Variants in POGLUT3 observed in about 807,000 individuals in gnomAD.
POGLUT3 encodes protein O-glucosyltransferase 3, also known as KDEL (Lys-Asp-Glu-Leu) containing 2.
Under a neutral mutation model 54.3 loss-of-function variants are expected in POGLUT3, and 48 were observed. The ratio of observed to expected loss-of-function variants is 0.88; its 90% confidence interval spans 0.70 to 1.12. The LOEUF is 1.12. Among genes scored for constraint, POGLUT3 ranks in the 50% most tolerant of loss-of-function variants. The probability of loss-of-function intolerance (pLI) is 0.00; values close to 1 mark genes in which losing one functional copy is unlikely to be tolerated. For synonymous variants in POGLUT3, 218 were observed against 237.4 expected, an observed-to-expected ratio of 0.92 and a Z score of 0.75; for missense variants, 629 against 618.7, an observed-to-expected ratio of 1.02 and a Z score of -0.18.
At position 108,491,025 on chromosome 11, in the gene POGLUT3, C is replaced by G. The variant is rs374443735; in HGVS notation, c.345G>C (p.Lys115Asn). 1.2e-6 allele frequency: 2 copies of G among 1,613,984 alleles called. No individual in the cohort carries two copies. Among genetic ancestry groups the G allele is most frequent in the African/African-American group, 2.7e-5 (2 of 74,942 alleles). ...GTTCATCACCATAAAGGACCTCTATCTTCAGGCCTTCATCGACAGTTTCAT... is the reference window on the plus strand; with the variant it reads ...GTTCATCACCATAAAGGACCTCTATGTTCAGGCCTTCATCGACAGTTTCAT... ...RMYETVDEGLKIEVLYGDEHV... is the reference protein window; with the variant it reads ...RMYETVDEGLNIEVLYGDEHV... Residue 115 changes from lysine to asparagine, a missense_variant, in exon 2 of 8, where the codon AAG becomes AAC. Coordinates refer to ENST00000323468, the MANE Select transcript of POGLUT3 (RefSeq NM_153705.5).
chr11:108,488,910 T>C (rs1354455879), intron 2 of POGLUT3, among the ~76,000 whole-genome samples: 1 of 152,158 alleles, frequency 6.6e-6, no homozygotes, highest in African/African-American at 2.4e-5. Flanking sequence ...TTCACAGGGC[T>C]TGGGTAAAGT....
At chr11:108,493,994 A>G (rs1157508504) in intron 1 of POGLUT3, among the ~76,000 whole-genome samples, 1 of 152,218 alleles carries the variant, frequency 6.6e-6, no homozygotes, top group Admixed American at 6.5e-5. Flanking sequence ...AGAAATCAAA[A>G]GCATATTTAG....
rs776597155 is a variant in POGLUT3, at chr11:108,474,861, C to CA, written c.1489dup (p.Cys497LeufsTer27). On this transcript the variant is annotated frameshift_variant, in exon 8 of 8. Coordinates refer to ENST00000323468, the MANE Select transcript of POGLUT3 (RefSeq NM_153705.5). LOFTEE classifies it high-confidence loss of function. ...TTCTCTTGAAGGCTTTTTCCTGTGG[C>CA]ACTGGCAGATGGCTGTGCTATCTTC... 1 of 1,614,128 alleles carries CA rather than the reference C, an allele frequency of 6.2e-7. No homozygotes were observed. The highest frequency in any genetic ancestry group is 8.5e-7 in the Non-Finnish European group (1 of 1,180,008).
rs1014945428 is a variant in POGLUT3 at position 108,473,776 on chromosome 11, A to G, written c.*1051T>C. On this transcript the variant is annotated 3_prime_UTR_variant, in exon 8 of 8. Transcript: ENST00000323468. ...TGATGCCTATAGCATACCTTCATCT[A>G]TGTTAATAACTGTATTGTCTTTGAT... 6.6e-6 allele frequency: 1 copy of G among 152,214 alleles called. No homozygotes were observed. The highest frequency in any genetic ancestry group is 1.5e-5 in the Non-Finnish European group (1 of 68,036). 9.4% of individuals were successfully genotyped at this position (152,214 alleles called of 1,614,324 possible).
At position 108,482,160 on chromosome 11, in the gene POGLUT3, T is replaced by C. The variant is rs912172590; in HGVS notation, c.747A>G (p.Lys249=). Residue 249 remains lysine, a synonymous_variant, in exon 4 of 8, where the codon AAA becomes AAG. Coordinates refer to ENST00000323468, the MANE Select transcript of POGLUT3 (RefSeq NM_153705.5). ...GTATGGGGCTAGGGGTTCCATTGAC[T>C]TTTCGATGCTCCAAGGGCCAATCTC... The part of the protein sequence containing the change: ...NLGDWPLEHR[K]VNGTPSPIPI... The C allele has an allele frequency of 2.5e-6, 4 of 1,614,136 alleles. No homozygotes were observed. Among genetic ancestry groups the C allele is most frequent in the Middle Eastern group, 3.3e-4 (2 of 6,062 alleles).
chr11:108,486,047 G>T, intron 3 of POGLUT3, 110 bp downstream of exon 3: 1 of 816,048 alleles, frequency 1.2e-6, no homozygotes. Flanking sequence ...TATCTTAGAT[G>T]CCCATTTCTC....
chr11:108,485,140 C>T (rs1461203878), intron 3 of POGLUT3, among the ~76,000 whole-genome samples: 1 of 150,710 alleles, frequency 6.6e-6, no homozygotes, highest in Non-Finnish European at 1.5e-5. Flanking sequence ...TTAGTATGCA[C>T]TGGTGAAAAA....
intron 6 of POGLUT3, 105 bp from the exon 7 acceptor site, chr11:108,477,816 A>G: frequency 2.6e-6 from 2 of 757,348 alleles, no homozygotes; most frequent in Middle Eastern, 2.7e-4. Flanking sequence ...AGTGAACAGC[A>G]TGGGAAAGCC....
Position 108,481,472 on chromosome 11 carries a change from T to C in POGLUT3, c.902-96A>G, listed in dbSNP as rs905779360. On this transcript the variant is annotated intron_variant, in intron 4 of 7. Coordinates refer to ENST00000323468, the MANE Select transcript of POGLUT3 (RefSeq NM_153705.5). ...TTTAATCTACCATTGTCATTTAAGA[T>C]GCTAAAGCTCTTTTATCAACTCATC... 1.1e-5 allele frequency: 11 copies of C among 966,622 alleles called. No homozygotes were observed. In the Admixed American group the frequency reaches 1.3e-4, roughly 11 times the overall value. 59.9% of individuals were successfully genotyped at this position (966,622 alleles called of 1,614,324 possible).
intron 2 of POGLUT3, chr11:108,486,761 G>C: frequency 3.9e-6 from 1 of 255,070 alleles, no homozygotes; most frequent in Non-Finnish European, 7.5e-6. Context: ...GAAAAAGAAC[G>C]TATTAATTTT....
intron 1 of POGLUT3, among the ~76,000 whole-genome samples, chr11:108,497,574 C>T (rs1176299036): frequency 6.6e-6 from 1 of 152,206 alleles, no homozygotes; most frequent in African/African-American, 2.4e-5. Flanking sequence ...AGGACGAGAT[C>T]CATCTCACCC....
Position 108,481,670 on chromosome 11 carries a change from T to C in POGLUT3, c.902-294A>G, listed in dbSNP as rs969977272. On this transcript the variant is annotated intron_variant, in intron 4 of 7. Coordinates refer to ENST00000323468, the MANE Select transcript of POGLUT3 (RefSeq NM_153705.5). ...GTGAAAGCTCACGCAAGTATTCGTG[T>C]ATTCTGTTGTATAATACTAGGAAAT... Among the ~76,000 whole-genome samples the C allele has an allele frequency of 2.0e-5, 3 of 152,224 alleles. No individual in the cohort carries two copies. The East Asian group carries it at 5.8e-4, about 29-fold the overall frequency.
Position 108,477,650 on chromosome 11 carries a change from A to C in POGLUT3, c.1355T>G (p.Leu452Arg), listed in dbSNP as rs780973251. The change falls in exon 7 of 8, where the codon CTA becomes CGA. Residue 452 changes from leucine (L) to arginine (R), a missense_variant. Coordinates refer to ENST00000323468, the MANE Select transcript of POGLUT3 (RefSeq NM_153705.5). ...GTAGCAGTAAAGCCTGTGTGGCTGT[A>C]GTAGGTCCCTAGCCATCAACTGTCC... is the stretch of plus-strand genomic sequence containing the variant. ...KEGQLMARDL[L>R]QPHRLYCYYY... 2 of 1,613,374 alleles carry C rather than the reference A, an allele frequency of 1.2e-6. No individual in the cohort carries two copies.
intron 7 of POGLUT3, 50 bp downstream of exon 7, chr11:108,477,557 T>C (rs773285112): frequency 6.4e-6 from 7 of 1,091,156 alleles, no homozygotes; most frequent in Admixed American, 1.9e-5. Flanking sequence ...GCCAAGCGGG[T>C]AGTCTGAGGA....
intron 2 of POGLUT3, among the ~76,000 whole-genome samples, chr11:108,489,922 G>A (rs2093610139): frequency 1.3e-5 from 2 of 152,148 alleles, no homozygotes; most frequent in Admixed American, 1.3e-4. Flanking sequence ...GTCTCACTCT[G>A]TCCCCCAGGC....
intron 1 of POGLUT3, 93 bp downstream of exon 1, chr11:108,498,072 G>T: frequency 1.8e-6 from 2 of 1,132,722 alleles, no homozygotes; most frequent in Non-Finnish European, 2.4e-6. Flanking sequence ...ACGCCGGGGA[G>T]GGACGCCACG....
chr11:108,492,617 A>C (rs1327321068), intron 1 of POGLUT3, among the ~76,000 whole-genome samples: 1 of 152,236 alleles, frequency 6.6e-6, no homozygotes, highest in Non-Finnish European at 1.5e-5. Flanking sequence ...GAGTCTGCAG[A>C]AATGTTTCTC....
intron 3 of POGLUT3, among the ~76,000 whole-genome samples, chr11:108,484,711 G>A (rs1290999111): frequency 6.6e-6 from 1 of 152,126 alleles, no homozygotes; most frequent in Non-Finnish European, 1.5e-5. Flanking sequence ...AGCCGAGATC[G>A]TGCCACTGCA....
Position 108,498,338 on chromosome 11 carries a change from A to T in POGLUT3, c.29T>A (p.Leu10Gln). MRRLPRALL[L>Q]QLRLALLVAA... is the part of the protein sequence containing the mutation. ...CACCAGCAGGGCGAGGCGCAGCTGC[A>T]GCAGCAGGGCCCGCGGGAGGCGGCG... Residue 10 changes from leucine to glutamine, a missense_variant, in exon 1 of 8, where the codon CTG becomes CAG. Leu to Gln is a moderately radical substitution (Grantham distance 113, BLOSUM62 -2). Coordinates refer to ENST00000323468, the MANE Select transcript of POGLUT3 (RefSeq NM_153705.5). 1 of 1,364,470 alleles carries T rather than the reference A, an allele frequency of 7.3e-7. No individual in the cohort carries two copies. The allele number at this position is 1,364,470 out of a possible 1,614,324, so 84.5% of individuals were successfully genotyped here.
Sources: allele counts gnomAD v4.1 joint callset (sites outside exome capture counted in the v4.1 genomes callset), GRCh38; gene constraint gnomAD v4.1.1; transcripts MANE v1.5; gene names NCBI Gene and HGNC (gene_info 2026-07-23, HGNC 2026-07-21).